Variants in NBAS observed in about 807,000 individuals in gnomAD.
NBAS encodes NBAS subunit of NRZ tethering complex.
NBAS carries 219 observed loss-of-function variants against 302.5 expected under a neutral mutation model. That is an observed-to-expected ratio of 0.72 (90% CI 0.65 to 0.81). The LOEUF (loss-of-function observed/expected upper bound fraction) is 0.81, where lower values mean the gene tolerates loss of function less well. Ranked by LOEUF, NBAS falls within the 30% of genes least tolerant of loss-of-function variation. The pLI is 0.00. For synonymous variants in NBAS, 1,118 were observed against 1,021.6 expected (o/e 1.09, Z -1.80); for missense variants, 2,932 against 2,841.6 (o/e 1.03, Z -0.72).
At chr2:15,237,111 T>C (rs1457645467) in intron 45 of NBAS, among the ~76,000 whole-genome samples, 1 of 152,180 alleles carries the variant, frequency 6.6e-6, no homozygotes, top group Non-Finnish European at 1.5e-5. Context: ...TTTACCATAG[T>C]ATTATAGGGC....
intron 34 of NBAS, among the ~76,000 whole-genome samples, chr2:15,353,245 T>C (rs1291272505): frequency 6.6e-6 from 1 of 152,228 alleles, no homozygotes. Flanking sequence ...ATATTTTACA[T>C]GACCATTTAG....
At chr2:14,879,285 G>T in the NBAS span, among the ~76,000 whole-genome samples, 1 of 152,034 alleles carries the variant, frequency 6.6e-6, no homozygotes, top group Non-Finnish European at 1.5e-5. Flanking sequence ...ATTTTTGTTT[G>T]TATACTCACC....
At chr2:15,287,949 G>T (rs540211011) in intron 41 of NBAS, among the ~76,000 whole-genome samples, 21 of 150,908 alleles carry the variant, frequency 1.4e-4, no homozygotes, top group African/African-American at 3.9e-4. Context: ...AGCACCCCAT[G>T]GAGGTAGCCC....
intron 11 of NBAS, among the ~76,000 whole-genome samples, chr2:15,494,326 C>A (rs1374442184): frequency 1.3e-5 from 2 of 151,738 alleles, no homozygotes; most frequent in Non-Finnish European, 2.9e-5. Context: ...GGCTTTCTCT[C>A]TTTTTGAAAT....
intron 48 of NBAS, 94 bp from the exon 49 acceptor site, chr2:15,190,497 A>T (rs1008408099): frequency 1.6e-5 from 23 of 1,436,014 alleles, no homozygotes; most frequent in East Asian, 9.9e-5. Context: ...ACTTTTTTTT[A>T]AAATGTTTTA....
intron 10 of NBAS, among the ~76,000 whole-genome samples, chr2:15,507,620 C>T (rs1241485957): frequency 6.6e-6 from 1 of 152,214 alleles, no homozygotes; most frequent in Non-Finnish European, 1.5e-5. Context: ...GGAATTCAAA[C>T]ACCAGCCTTC....
chr2:15,546,172 A>G (rs1664097912), intron 6 of NBAS, among the ~76,000 whole-genome samples: 1 of 152,206 alleles, frequency 6.6e-6, no homozygotes, highest in African/African-American at 2.4e-5. Context: ...ACTTATTTTC[A>G]TAGAACATAT....
At chr2:15,248,065 T>G (rs1369803306) in intron 44 of NBAS, among the ~76,000 whole-genome samples, 1 of 152,146 alleles carries the variant, frequency 6.6e-6, no homozygotes, top group Non-Finnish European at 1.5e-5. Context: ...AAAACAGTCC[T>G]CAGCAAATGC....
intron 21 of NBAS, among the ~76,000 whole-genome samples, chr2:15,454,928 C>CAG (rs34583740): frequency 0.62 from 93,435 of 149,602 alleles, 29,914 homozygotes; most frequent in Middle Eastern, 0.68. Context: ...TTTTTTGAGA[C>CAG]AGTCTCACTC....
At chr2:15,144,048 A>ATATATATATATAT in the NBAS span, among the ~76,000 whole-genome samples, 202 of 113,786 alleles carry the variant, frequency 1.8e-3, 14 homozygotes, top group East Asian at 0.021. Context: ...TATATATAAA[A>ATATATATATATAT]ATATATATAT....
chr2:15,295,760 A>G (rs187425264), intron 40 of NBAS, among the ~76,000 whole-genome samples: 20 of 152,322 alleles, frequency 1.3e-4, no homozygotes, highest in African/African-American at 4.6e-4. Context: ...AATCAGGTAC[A>G]TGGTCAAAGG....
chr2:15,139,501 G>GGTGTGT, the NBAS span, among the ~76,000 whole-genome samples: 2 of 148,628 alleles, frequency 1.3e-5, no homozygotes, highest in African/African-American at 2.5e-5. Flanking sequence ...TTTAGTGTAT[G>GGTGTGT]GTGTGTGTGT....
the NBAS span, among the ~76,000 whole-genome samples, chr2:14,841,886 C>A: frequency 6.6e-6 from 1 of 151,980 alleles, no homozygotes; most frequent in Non-Finnish European, 1.5e-5. Flanking sequence ...TTGCAGAATA[C>A]ACATTATTTT....
the NBAS span, among the ~76,000 whole-genome samples, chr2:15,017,108 C>A: frequency 2.0e-5 from 3 of 151,912 alleles, no homozygotes; most frequent in Non-Finnish European, 4.4e-5. Context: ...ACCAAATATC[C>A]CCTAGGTAGA....
chr2:15,155,170 G>T, the NBAS span, among the ~76,000 whole-genome samples: 1 of 152,054 alleles, frequency 6.6e-6, no homozygotes, highest in Non-Finnish European at 1.5e-5. Context: ...GCAAGTCTTT[G>T]GTATCTCTGA....
Position 15,167,049 on chromosome 2 carries a change from C to G in NBAS, c.7115G>C (p.Ter2372SerextTer16). Residue 2372 changes from the stop codon to serine, a stop_lost, in exon 52 of 52, where the codon TGA becomes TCA. Transcript: ENST00000281513. ...TALRAAQHWV[*>S] is the part of the protein sequence containing the mutation. ...AAGGAGCAGGGCCACAGGTGGCCCT[C>G]ACACCCAGTGCTGTGCTGCGCGGAG... is the stretch of plus-strand genomic sequence containing the variant. The G allele has an allele frequency of 6.5e-7, 1 of 1,546,756 alleles. No individual in the cohort carries two copies. Among genetic ancestry groups the G allele is most frequent in the Non-Finnish European group, 8.7e-7 (1 of 1,144,878 alleles).
the NBAS span, among the ~76,000 whole-genome samples, chr2:14,789,853 G>A: frequency 6.6e-6 from 1 of 152,148 alleles, no homozygotes; most frequent in African/African-American, 2.4e-5. Context: ...GCTGTACACA[G>A]CAGATGTTCA....
At chr2:15,546,638 G>A (rs1272327168) in intron 6 of NBAS, among the ~76,000 whole-genome samples, 6 of 152,210 alleles carry the variant, frequency 3.9e-5, no homozygotes, top group Non-Finnish European at 7.3e-5. Flanking sequence ...TGAGGCAGGA[G>A]AATCACTTGA....
At chr2:15,555,966 C>A (rs1664625734) in intron 3 of NBAS, among the ~76,000 whole-genome samples, 1 of 152,130 alleles carries the variant, frequency 6.6e-6, no homozygotes, top group South Asian at 2.1e-4. Context: ...CCACCTCCCA[C>A]ACTCCTATCC....
Sources: gnomAD v4.1 joint callset for allele counts (sites outside exome capture counted in the v4.1 genomes callset) on GRCh38, gnomAD v4.1.1 for gene constraint, MANE v1.5 for transcripts, NCBI Gene and HGNC (gene_info 2026-07-23, HGNC 2026-07-21) for gene names.